Variants in ALPL observed in about 807,000 individuals in gnomAD.
ALPL encodes the protein alkaline phosphatase, tissue-nonspecific isozyme.
A neutral mutation model predicts 51.3 loss-of-function variants in ALPL; 42 were observed. The ratio of observed to expected loss-of-function variants is 0.82; its 90% CI spans 0.64 to 1.06. The LOEUF (loss-of-function observed/expected upper bound fraction) is 1.06. Ranked by LOEUF, ALPL falls within the 50% of genes least tolerant of loss-of-function variation. The pLI, the probability that ALPL is intolerant of heterozygous loss-of-function variation, is 0.00. For synonymous variants in ALPL, 279 were observed against 296.4 expected (o/e 0.94, Z 0.60); for missense variants, 589 against 709.4 (o/e 0.83, Z 1.93).
chr1:21,537,434 T>C (rs977975893), intron 1 of ALPL, among the ~76,000 whole-genome samples: 3 of 152,142 alleles, frequency 2.0e-5, no homozygotes, highest in Non-Finnish European at 2.9e-5. Flanking sequence ...TCTGTCTAGA[T>C]ACAAGAGGCC....
At chr1:21,527,840 C>T (rs1224700695) in intron 1 of ALPL, among the ~76,000 whole-genome samples, 2 of 152,218 alleles carry the variant, frequency 1.3e-5, no homozygotes, top group Admixed American at 6.5e-5. Flanking sequence ...ATGACCACCA[C>T]GCCCGGCCAG....
chr1:21,543,451 G>A (rs553589033), intron 1 of ALPL, among the ~76,000 whole-genome samples: 10 of 151,998 alleles, frequency 6.6e-5, no homozygotes, highest in Admixed American at 2.0e-4. Flanking sequence ...AAGACCGGCC[G>A]GGCAGAAACA....
intron 1 of ALPL, among the ~76,000 whole-genome samples, chr1:21,528,229 A>C (rs1385542809): frequency 6.6e-6 from 1 of 151,678 alleles, no homozygotes; most frequent in Non-Finnish European, 1.5e-5. Context: ...TATGTTGCCC[A>C]GGCTGGTCTC....
chr1:21,551,100 G>A (rs1644315042), intron 1 of ALPL, among the ~76,000 whole-genome samples: 1 of 152,080 alleles, frequency 6.6e-6, no homozygotes, highest in South Asian at 2.1e-4. Flanking sequence ...CGGACCTTCC[G>A]GTAGTTAAAC....
chr1:21,563,565 GGTGT>G (rs1463282496), intron 5 of ALPL, among the ~76,000 whole-genome samples: 1 of 152,190 alleles, frequency 6.6e-6, no homozygotes, highest in Non-Finnish European at 1.5e-5. Context: ...TCATAGGGTT[GGTGT>G]GAGGAGGGAG....
At chr1:21,552,609 G>A (rs548181470) in intron 1 of ALPL, among the ~76,000 whole-genome samples, 10 of 152,164 alleles carry the variant, frequency 6.6e-5, no homozygotes, top group African/African-American at 1.7e-4. Flanking sequence ...ACAGGGTCTC[G>A]CTGTGTTGCC....
rs562035481 is a variant in ALPL at position 21,528,424 on chromosome 1, C to T, written c.-105+18907C>T. Among the ~76,000 whole-genome samples the T allele has an allele frequency of 4.7e-5, 7 of 150,370 alleles. No individual in the cohort carries two copies. The South Asian group carries it at 1.3e-3, about 27-fold the overall frequency. On this transcript the variant is annotated intron_variant, in intron 1 of 11. Transcript: ENST00000374840. ...GTGCAGTGGTGTGATCTCAGCTCACCGCAACCTCTGCCTCCTGGATTCAAG... is the reference window on the plus strand; with the variant it reads ...GTGCAGTGGTGTGATCTCAGCTCACTGCAACCTCTGCCTCCTGGATTCAAG...
chr1:21,556,257 C>T (rs781719075), intron 2 of ALPL, among the ~76,000 whole-genome samples: 1 of 152,196 alleles, frequency 6.6e-6, no homozygotes, highest in Non-Finnish European at 1.5e-5. Flanking sequence ...CTTGAATTCA[C>T]ATTTCTTATG....
chr1:21,539,857 C>T (rs1446780309), intron 1 of ALPL, among the ~76,000 whole-genome samples: 3 of 152,028 alleles, frequency 2.0e-5, no homozygotes, highest in Non-Finnish European at 2.9e-5. Flanking sequence ...AGGGTTTCAC[C>T]GTGTTAGTCA....
intron 1 of ALPL, among the ~76,000 whole-genome samples, chr1:21,528,458 C>T (rs1310934562): frequency 6.6e-6 from 1 of 151,018 alleles, no homozygotes; most frequent in Non-Finnish European, 1.5e-5. Flanking sequence ...AGCAATTCTC[C>T]TGCCTCAGCC....
upstream of ALPL, among the ~76,000 whole-genome samples, chr1:21,509,211 G>T (rs1373842371): frequency 2.6e-5 from 4 of 151,726 alleles, no homozygotes; most frequent in Non-Finnish European, 4.4e-5. The surrounding 1 kb of genome is among the most constrained non-coding windows in gnomAD (Gnocchi z 6.0). Flanking sequence ...CCAGGGCCGC[G>T]TCACCCCAGC....
intron 1 of ALPL, among the ~76,000 whole-genome samples, chr1:21,552,163 T>C (rs1339149018): frequency 4.3e-5 from 4 of 92,482 alleles, no homozygotes; most frequent in Non-Finnish European, 8.2e-5. Context: ...CTTTTCTCCT[T>C]TTCTTTTTCT....
chr1:21,529,490 C>T (rs1454140952), intron 1 of ALPL, among the ~76,000 whole-genome samples: 3 of 152,086 alleles, frequency 2.0e-5, no homozygotes, highest in African/African-American at 7.2e-5. Flanking sequence ...TGTTGGAATT[C>T]CAGTCATGAG....
chr1:21,577,668 C>G lies in ALPL; in HGVS notation c.*20C>G, dbSNP rs567336093. The stretch of plus-strand genomic sequence containing the variant: ...TTCTGAGGGCCCAGGGCCCGGGCAC[C>G]CACAAGCCCGTGACAGATGCCAACT... On this transcript the variant is annotated 3_prime_UTR_variant, in exon 12 of 12. Coordinates refer to ENST00000374840, the MANE Select transcript of ALPL (RefSeq NM_000478.6). The G allele has an allele frequency of 1.9e-6, 3 of 1,591,062 alleles. No individual in the cohort carries two copies. The East Asian group carries it at 6.8e-5, about 36-fold the overall frequency.
intron 7 of ALPL, among the ~76,000 whole-genome samples, chr1:21,568,638 G>A (rs939140002): frequency 6.6e-6 from 1 of 152,106 alleles, no homozygotes; most frequent in Non-Finnish European, 1.5e-5. Context: ...GGCGCCCTGG[G>A]GGGACAGATG....
At chr1:21,519,133 C>T (rs1396927494) in intron 1 of ALPL, among the ~76,000 whole-genome samples, 6 of 152,334 alleles carry the variant, frequency 3.9e-5, no homozygotes, top group African/African-American at 1.2e-4. Flanking sequence ...CAAAGCACTT[C>T]GCTCACAAAG....
At chr1:21,510,549 G>A (rs1570147405) in intron 1 of ALPL, among the ~76,000 whole-genome samples, 1 of 152,312 alleles carries the variant, frequency 6.6e-6, no homozygotes, top group East Asian at 1.9e-4. Flanking sequence ...GACCTGCTCT[G>A]ACATCTCATG....
chr1:21,529,873 G>A (rs1431274288), intron 1 of ALPL, among the ~76,000 whole-genome samples: 1 of 152,078 alleles, frequency 6.6e-6, no homozygotes, highest in Non-Finnish European at 1.5e-5. Context: ...CCGAGCTCAA[G>A]TGATCCTCCC....
chr1:21,563,164 C>A lies in ALPL; in HGVS notation c.352C>A (p.Leu118Met), dbSNP rs1284058976. The A allele has an allele frequency of 1.9e-6, 3 of 1,613,786 alleles. No homozygotes were observed. The highest frequency in any genetic ancestry group is 3.3e-5 in the Admixed American group (2 of 60,010). Residue 118 changes from leucine (L) to methionine (M), a missense_variant, in exon 5 of 12, where the codon CTG becomes ATG. Leu to Met is a conservative substitution (Grantham distance 15, BLOSUM62 2). Coordinates refer to ENST00000374840, the MANE Select transcript of ALPL (RefSeq NM_000478.6). ...CAGTGCCGGCACCGCCACCGCCTAC[C>A]TGTGTGGGGTGAAGGCCAATGAGGG... ...PDSAGTATAY[L>M]CGVKANEGTV...
Sources: allele counts gnomAD v4.1 joint callset (sites outside exome capture counted in the v4.1 genomes callset), GRCh38; gene constraint gnomAD v4.1.1; non-coding constraint Gnocchi (gnomAD v3.1); transcripts MANE v1.5; gene names NCBI Gene and HGNC (gene_info 2026-07-23, HGNC 2026-07-21).